Variants in DMXL1 observed in about 807,000 individuals in gnomAD.
The protein encoded by DMXL1 is Dmx like 1, also known as dmX-like protein 1.
Under a neutral mutation model 319.2 loss-of-function variants are expected in DMXL1, and 99 were observed. That is an observed-to-expected ratio of 0.31 (90% CI 0.26 to 0.37). DMXL1 has a LOEUF of 0.37. Among genes scored for constraint, DMXL1 ranks in the 10% least tolerant of loss-of-function variants. The pLI is 1.00. For synonymous variants in DMXL1, 1,385 were observed against 1,235.2 expected (o/e 1.12, Z -2.54); for missense variants, 3,745 against 3,595.6 (o/e 1.04, Z -1.06).
chr5:119,173,525 T>C (rs904151713), intron 25 of DMXL1, among the ~76,000 whole-genome samples: 1 of 151,552 alleles, frequency 6.6e-6, no homozygotes, highest in Non-Finnish European at 1.5e-5. Context: ...TTCTAGATGA[T>C]CTAAGAAGGC....
intron 25 of DMXL1, among the ~76,000 whole-genome samples, chr5:119,174,454 A>G (rs544011031): frequency 6.6e-6 from 1 of 152,318 alleles, no homozygotes; most frequent in South Asian, 2.1e-4. Flanking sequence ...AAGCTCCCAT[A>G]TATAGTTTTT....
At chr5:119,229,523 C>T (rs1220009027) in intron 38 of DMXL1, among the ~76,000 whole-genome samples, 6 of 152,146 alleles carry the variant, frequency 3.9e-5, no homozygotes, top group Non-Finnish European at 1.5e-5. Flanking sequence ...CCCTGTATAG[C>T]ATTCTCGTAT....
intron 13 of DMXL1, among the ~76,000 whole-genome samples, chr5:119,137,316 G>C (rs1275283834): frequency 2.0e-5 from 3 of 152,364 alleles, no homozygotes; most frequent in Admixed American, 6.5e-5. Flanking sequence ...TATCTTGGAA[G>C]TAACCAACTT....
intron 4 of DMXL1, among the ~76,000 whole-genome samples, chr5:119,109,046 C>T (rs1427825722): frequency 3.9e-5 from 6 of 151,984 alleles, no homozygotes; most frequent in African/African-American, 1.2e-4. Context: ...GGTGATCCAC[C>T]CGCCTTGGCC....
chr5:119,245,649 C>T (rs1789613019), intron 43 of DMXL1, among the ~76,000 whole-genome samples: 1 of 151,796 alleles, frequency 6.6e-6, no homozygotes, highest in South Asian at 2.1e-4. Context: ...AAGCGATTTC[C>T]CTGCTTCAGC....
intron 43 of DMXL1, among the ~76,000 whole-genome samples, chr5:119,245,458 C>T (rs531270622): frequency 6.6e-6 from 1 of 151,908 alleles, no homozygotes; most frequent in South Asian, 2.1e-4. Flanking sequence ...TATATACCAA[C>T]AGAATTATTT....
At chr5:119,114,888 T>C (rs887631864) in intron 6 of DMXL1, among the ~76,000 whole-genome samples, 3 of 152,178 alleles carry the variant, frequency 2.0e-5, no homozygotes, top group Non-Finnish European at 2.9e-5. Flanking sequence ...CAGGCTGGTC[T>C]TGAACCCCTG....
intron 34 of DMXL1, among the ~76,000 whole-genome samples, chr5:119,215,051 T>C (rs1783438310): frequency 6.6e-6 from 1 of 152,224 alleles, no homozygotes; most frequent in Non-Finnish European, 1.5e-5. Flanking sequence ...GAATTTGACT[T>C]GTACATCATT....
intron 25 of DMXL1, among the ~76,000 whole-genome samples, chr5:119,172,797 A>G (rs892456579): frequency 3.3e-5 from 5 of 151,982 alleles, no homozygotes; most frequent in African/African-American, 1.2e-4. Flanking sequence ...TATCACACCA[A>G]TTCGATTTTC....
chr5:119,076,206 C>G (rs530198227), intron 1 of DMXL1, among the ~76,000 whole-genome samples: 1 of 152,098 alleles, frequency 6.6e-6, no homozygotes. Context: ...CTCAGTGTTT[C>G]TAGCTAAGGG....
intron 25 of DMXL1, among the ~76,000 whole-genome samples, chr5:119,173,461 T>C (rs930089259): frequency 2.6e-5 from 4 of 151,902 alleles, no homozygotes; most frequent in African/African-American, 9.7e-5. Flanking sequence ...GGGCCAGCTA[T>C]ACTAATGTCT....
At chr5:119,090,976 T>C (rs2149743048) in intron 1 of DMXL1, among the ~76,000 whole-genome samples, 1 of 152,256 alleles carries the variant, frequency 6.6e-6, no homozygotes, top group Middle Eastern at 3.4e-3. Context: ...AGCAAATGTA[T>C]TTCTCAGTTC....
Position 119,240,415 on chromosome 5 carries a change from C to G in DMXL1, c.8652-4C>G. Reference sequence around the variant, plus strand: ...TCAGAAGTAATCTTTTTTTTTTTTTCCAGAAACGTATGTTTGTGGGATACT... The same window carrying G: ...TCAGAAGTAATCTTTTTTTTTTTTTGCAGAAACGTATGTTTGTGGGATACT... On this transcript the variant is annotated splice_polypyrimidine_tract_variant and splice_region_variant and intron_variant, in intron 41 of 43. Coordinates refer to ENST00000539542, the MANE Select transcript of DMXL1 (RefSeq NM_001290321.3). The G allele has an allele frequency of 6.7e-7, 1 of 1,497,080 alleles. No homozygotes were observed. Among genetic ancestry groups the G allele is most frequent in the Non-Finnish European group, 9.0e-7 (1 of 1,114,838 alleles). 92.7% of individuals were successfully genotyped at this position (1,497,080 alleles called of 1,614,324 possible). A position where few individuals can be genotyped will look rare whatever the true frequency, so the allele number is the denominator to read the frequency against.
chr5:119,100,296 C>T (rs1392430113), intron 2 of DMXL1, among the ~76,000 whole-genome samples: 3 of 151,478 alleles, frequency 2.0e-5, no homozygotes, highest in Admixed American at 1.3e-4. Flanking sequence ...ATTAGCTGGG[C>T]GTGGTGGCGG....
intron 28 of DMXL1, among the ~76,000 whole-genome samples, chr5:119,179,107 T>C (rs1776345838): frequency 6.6e-6 from 1 of 152,156 alleles, no homozygotes; most frequent in Non-Finnish European, 1.5e-5. Flanking sequence ...AAAGTAAATA[T>C]TTTAAACAAT....
At chr5:119,075,377 T>C (rs1750601324) in intron 1 of DMXL1, among the ~76,000 whole-genome samples, 1 of 151,854 alleles carries the variant, frequency 6.6e-6, no homozygotes, top group African/African-American at 2.4e-5. Context: ...GCAGCTGGGA[T>C]TACAGGCGCA....
At chr5:119,136,422 A>G (rs1347764434) in intron 13 of DMXL1, among the ~76,000 whole-genome samples, 1 of 152,262 alleles carries the variant, frequency 6.6e-6, no homozygotes, top group Non-Finnish European at 1.5e-5. Context: ...AGAAAAGAAA[A>G]ACTCATTCCT....
chr5:119,162,111 GATCTAGGGA>G (rs1772403374), intron 19 of DMXL1, among the ~76,000 whole-genome samples: 1 of 152,178 alleles, frequency 6.6e-6, no homozygotes, highest in African/African-American at 2.4e-5. Flanking sequence ...ACAAACTGTG[GATCTAGGGA>G]ATTTTCTTCT....
chr5:119,213,837 G>A (rs1200800443), intron 34 of DMXL1, among the ~76,000 whole-genome samples: 2 of 152,106 alleles, frequency 1.3e-5, no homozygotes, highest in Non-Finnish European at 2.9e-5. Flanking sequence ...ATCTTCATAT[G>A]ATTCAACTTC....
Sources: gnomAD v4.1 joint callset for allele counts (sites outside exome capture counted in the v4.1 genomes callset) on GRCh38, gnomAD v4.1.1 for gene constraint, MANE v1.5 for transcripts, NCBI Gene and HGNC (gene_info 2026-07-23, HGNC 2026-07-21) for gene names.